AHSA1: variants seen among roughly 807,000 people sequenced by gnomAD.
AHSA1 encodes activator of HSP90 ATPase activity 1, also known as activator of 90 kDa heat shock protein ATPase homolog 1.
AHSA1 carries 14 observed loss-of-function variants against 46.1 expected under a neutral mutation model. The ratio of observed to expected loss-of-function variants is 0.30; its 90% CI spans 0.20 to 0.47. The LOEUF (loss-of-function observed/expected upper bound fraction) is 0.47, where lower values mean the gene tolerates loss of function less well. AHSA1 is among the 20% of genes least tolerant of loss of function. AHSA1 has a pLI of 0.99. For synonymous variants in AHSA1, 147 were observed against 145.8 expected, an observed-to-expected ratio of 1.01 and a Z score of -0.06; for missense variants, 333 against 415.9, an observed-to-expected ratio of 0.80 and a Z score of 1.73.
chr14:77,468,073 T>TTC lies in AHSA1; in HGVS notation c.691-9_691-8dup, dbSNP rs2079055565. 3 of 1,379,462 alleles carry TTC rather than the reference T, an allele frequency of 2.2e-6. No individual in the cohort carries two copies. Among genetic ancestry groups the TTC allele is most frequent in the East Asian group, 2.6e-5 (1 of 38,162 alleles). The allele number at this position is 1,379,462 out of a possible 1,614,324, so 85.5% of individuals were successfully genotyped here. On this transcript the variant is annotated splice_polypyrimidine_tract_variant and intron_variant, in intron 6 of 8. Transcript: ENST00000216479. ...CCTCTTTTTTTTTTTTTTTTTTTTT[T>TTC]TCCCTGCAGCTGGTGCAGGCCTTTA...
At chr14:77,466,984 GTTTATT>G (rs2079050252) in intron 6 of AHSA1, among the ~76,000 whole-genome samples, 1 of 152,126 alleles carries the variant, frequency 6.6e-6, no homozygotes, top group South Asian at 2.1e-4. Flanking sequence ...TTAACCTTCT[GTTTATT>G]TTTAATTTTG....
chr14:77,457,882 C>G (rs2078990703), upstream of AHSA1: 1 of 492,024 alleles, frequency 2.0e-6, no homozygotes, highest in Admixed American at 3.8e-5. Flanking sequence ...CTTTGTTTTC[C>G]TATGGGTGAG....
intron 5 of AHSA1, 129 bp from the exon 6 acceptor site, chr14:77,465,410 C>G (rs1447781389): frequency 1.9e-6 from 2 of 1,059,696 alleles, no homozygotes; most frequent in African/African-American, 3.2e-5. Flanking sequence ...TCCCTTCAAA[C>G]CCCTTGGAAT....
intron 2 of AHSA1, among the ~76,000 whole-genome samples, chr14:77,461,738 G>A (rs1008653186): frequency 3.3e-5 from 5 of 152,152 alleles, no homozygotes; most frequent in Non-Finnish European, 5.9e-5. Flanking sequence ...GAGGCTTTCC[G>A]TATTCACCTA....
At chr14:77,463,061 C>T in intron 4 of AHSA1, 1 of 247,632 alleles carries the variant, frequency 4.0e-6, no homozygotes, top group South Asian at 5.8e-5. Flanking sequence ...GGGCTGATTG[C>T]CTGAGCTCAG....
chr14:77,462,332 A>G (rs1446718082), intron 3 of AHSA1, 90 bp downstream of exon 3: 15 of 1,322,264 alleles, frequency 1.1e-5, no homozygotes, highest in Non-Finnish European at 1.6e-5. Flanking sequence ...TTCATAGCCC[A>G]GGCTTGGTCC....
intron 2 of AHSA1, among the ~76,000 whole-genome samples, chr14:77,461,887 C>G (rs1297051039): frequency 1.3e-5 from 2 of 152,206 alleles, no homozygotes; most frequent in Non-Finnish European, 2.9e-5. Context: ...TGGCTTTTGA[C>G]CCAAGTTCTC....
At chr14:77,462,314 A>G in intron 3 of AHSA1, 72 bp downstream of exon 3, 2 of 1,427,072 alleles carry the variant, frequency 1.4e-6, no homozygotes, top group Non-Finnish European at 9.8e-7. Context: ...GTGACCTGTC[A>G]TTCAGGATTC....
chr14:77,468,049 CTCTTTTT>C (rs1566748712), intron 6 of AHSA1, 27 bp from the exon 7 acceptor site: 457 of 721,996 alleles, frequency 6.3e-4, no homozygotes, highest in East Asian at 3.2e-3. Flanking sequence ...TATCTTCTGC[CTCTTTTT>C]TTTTTTTTTT....
At chr14:77,468,357 C>G in intron 7 of AHSA1, 100 bp from the exon 8 acceptor site, 1 of 1,270,464 alleles carries the variant, frequency 7.9e-7, no homozygotes. Flanking sequence ...AATATAATTG[C>G]ACAGATGGTA....
intron 2 of AHSA1, among the ~76,000 whole-genome samples, chr14:77,461,479 A>G (rs1286932798): frequency 6.6e-6 from 1 of 152,200 alleles, no homozygotes; most frequent in African/African-American, 2.4e-5. Flanking sequence ...GCAATGAGCC[A>G]AGATCATGCC....
chr14:77,460,942 G>C (rs576532578), intron 2 of AHSA1, among the ~76,000 whole-genome samples: 254 of 151,838 alleles, frequency 1.7e-3, no homozygotes, highest in African/African-American at 5.8e-3. Context: ...GGCGGATCAC[G>C]AGGTCAGGAG....
rs368232569 is a variant in AHSA1 at position 77,458,438 on chromosome 14, G to A, written c.80+169G>A. On this transcript the variant is annotated intron_variant, in intron 1 of 8. Transcript: ENST00000216479. ...CCGTAGCCCCAGGCCTCTCCACTCC[G>A]CGGTCACCTTCTCAGTGTTTGAGGG... Among the ~76,000 whole-genome samples the A allele has an allele frequency of 1.1e-4, 16 of 152,300 alleles. No homozygotes were observed. In the South Asian group the frequency reaches 3.1e-3, roughly 30 times the overall value.
rs115638515 is a variant in AHSA1 at position 77,468,685 on chromosome 14, C to T, written c.844+177C>T. 1,133 of 601,192 alleles carry T rather than the reference C, an allele frequency of 1.9e-3. 11 individuals carry two copies. The African/African-American group carries it at 0.021, about 11-fold the overall frequency. The allele number at this position is 601,192 out of a possible 1,614,324, so 37.2% of individuals were successfully genotyped here. A position where few individuals can be genotyped will look rare whatever the true frequency, so the allele number is the denominator to read the frequency against. On this transcript the variant is annotated intron_variant, in intron 8 of 8. Coordinates refer to ENST00000216479, the MANE Select transcript of AHSA1 (RefSeq NM_012111.3). ...CCAAACGATCCTCCTGCTTCAGCTT[C>T]CCAAGTAGCTGAGACTACGTGTGCC...
In AHSA1 at chr14:77,468,072, T is replaced by TTTC; in HGVS notation, c.691-10_691-8dup. 7.1e-7 allele frequency: 1 copy of TTTC among 1,403,338 alleles called. No individual in the cohort carries two copies. Among genetic ancestry groups the TTTC allele is most frequent in the Admixed American group, 2.9e-5 (1 of 34,150 alleles). 86.9% of individuals were successfully genotyped at this position (1,403,338 alleles called of 1,614,324 possible). A position where few individuals can be genotyped will look rare whatever the true frequency, so the allele number is the denominator to read the frequency against. On this transcript the variant is annotated splice_polypyrimidine_tract_variant and intron_variant, in intron 6 of 8. Coordinates refer to ENST00000216479, the MANE Select transcript of AHSA1 (RefSeq NM_012111.3). ...GCCTCTTTTTTTTTTTTTTTTTTTT[T>TTTC]TTCCCTGCAGCTGGTGCAGGCCTTT...
At chr14:77,467,059 C>T (rs1291457521) in intron 6 of AHSA1, among the ~76,000 whole-genome samples, 5 of 152,146 alleles carry the variant, frequency 3.3e-5, no homozygotes, top group Non-Finnish European at 5.9e-5. Flanking sequence ...AAAGTAAAAG[C>T]GGCACCGTTG....
chr14:77,466,480 T>C (rs3783985), intron 6 of AHSA1: 102,280 of 152,202 alleles, frequency 0.67, 35,516 homozygotes, highest in East Asian at 0.96. Flanking sequence ...GGTTAGGATA[T>C]GTGGAAGTTC....
rs1008473605 is a variant in AHSA1, at chr14:77,468,063, T to C, written c.691-20T>C. 9.7e-5 allele frequency: 130 copies of C among 1,345,208 alleles called. No homozygotes were observed. The highest frequency in any genetic ancestry group is 1.3e-4 in the Non-Finnish European group (129 of 1,024,898). The allele number at this position is 1,345,208 out of a possible 1,614,324, so 83.3% of individuals were successfully genotyped here. On this transcript the variant is annotated intron_variant, in intron 6 of 8. Coordinates refer to ENST00000216479, the MANE Select transcript of AHSA1 (RefSeq NM_012111.3). ...GTATCTTCTGCCTCTTTTTTTTTTT[T>C]TTTTTTTTTTTCCCTGCAGCTGGTG...
At chr14:77,460,843 T>C (rs1263851385) in intron 2 of AHSA1, among the ~76,000 whole-genome samples, 6 of 152,032 alleles carry the variant, frequency 3.9e-5, no homozygotes, top group Admixed American at 3.3e-4. Context: ...AGCATAGTTT[T>C]GTGCACATTA....
Sources: gnomAD v4.1 joint callset for allele counts (sites outside exome capture counted in the v4.1 genomes callset) on GRCh38, gnomAD v4.1.1 for gene constraint, MANE v1.5 for transcripts, NCBI Gene and HGNC (gene_info 2026-07-23, HGNC 2026-07-21) for gene names.